Variants in ALOX12B observed in about 807,000 individuals in gnomAD.
ALOX12B encodes arachidonate 12-lipoxygenase, 12R-type.
In ALOX12B, 47 loss-of-function variants were observed where a neutral mutation model predicts 78.9. The ratio of observed to expected loss-of-function variants is 0.60; its 90% confidence interval spans 0.47 to 0.76. The LOEUF is 0.76. Ranked by LOEUF, ALOX12B falls within the 30% of genes least tolerant of loss-of-function variation. The pLI is 0.00. For missense variants in ALOX12B, 805 were observed against 922.6 expected, an observed-to-expected ratio of 0.87 and a Z score of 1.65; for synonymous variants, 370 against 374.5, an observed-to-expected ratio of 0.99 and a Z score of 0.14.
rs1029914907 is a variant in ALOX12B, at chr17:8,080,027, C to G, written c.755-86G>C. Reference sequence around the variant, plus strand: ...ATGGGACAGAAGAAGACTATGGGCACCGAGAGGAGTCGGGGAGGAAAACGA... The same window carrying G: ...ATGGGACAGAAGAAGACTATGGGCAGCGAGAGGAGTCGGGGAGGAAAACGA... On this transcript the variant is annotated intron_variant, in intron 6 of 14. Transcript: ENST00000647874. The surrounding 1 kb of genome is among the most constrained non-coding windows in gnomAD (Gnocchi z 4.8). 6.4e-7 allele frequency: 1 copy of G among 1,554,106 alleles called. No homozygotes were observed. Among genetic ancestry groups the G allele is most frequent in the Non-Finnish European group, 8.8e-7 (1 of 1,142,616 alleles).
intron 2 of ALOX12B, among the ~76,000 whole-genome samples, chr17:8,084,080 C>T (rs1219032443): frequency 2.0e-5 from 3 of 152,138 alleles, no homozygotes; most frequent in Non-Finnish European, 4.4e-5. Flanking sequence ...ATCACTTGAA[C>T]CTGGAAGGTG....
At position 8,080,130 on chromosome 17, in the gene ALOX12B, G is replaced by T; in HGVS notation, c.754+105C>A. ...AGAAGCCGCCAGAGGGCGCGCGCGCGCCTCGCTGCCTCTCCCGTCCCACTG... is the reference window on the plus strand; with the variant it reads ...AGAAGCCGCCAGAGGGCGCGCGCGCTCCTCGCTGCCTCTCCCGTCCCACTG... On this transcript the variant is annotated intron_variant, in intron 6 of 14. Transcript: ENST00000647874. This position sits in a 1 kb window ranked among gnomAD's most constrained non-coding sequence, Gnocchi z 4.8. 1 of 1,467,044 alleles carries T rather than the reference G, an allele frequency of 6.8e-7. No individual in the cohort carries two copies. The highest frequency in any genetic ancestry group is 9.5e-7 in the Non-Finnish European group (1 of 1,047,842). 90.9% of individuals were successfully genotyped at this position (1,467,044 alleles called of 1,614,324 possible).
chr17:8,078,113 CATTT>C (rs1977125131), intron 8 of ALOX12B, among the ~76,000 whole-genome samples: 1 of 143,842 alleles, frequency 7.0e-6, no homozygotes, highest in Non-Finnish European at 1.5e-5. Flanking sequence ...TATTTTATTT[CATTT>C]TATTTATTTA....
intron 12 of ALOX12B, among the ~76,000 whole-genome samples, chr17:8,074,924 T>G (rs1977050318): frequency 6.6e-6 from 1 of 152,228 alleles, no homozygotes; most frequent in South Asian, 2.1e-4. Context: ...CTGCAGATCT[T>G]AGCTAGATGT....
At chr17:8,081,831 C>T (rs1056156086) in intron 2 of ALOX12B, among the ~76,000 whole-genome samples, 1 of 152,060 alleles carries the variant, frequency 6.6e-6, no homozygotes, top group African/African-American at 2.4e-5. Context: ...TTAGTAGACA[C>T]GTGGTTTCGC....
At chr17:8,073,465 T>C in intron 13 of ALOX12B, 147 bp from the exon 14 acceptor site, 1 of 835,746 alleles carries the variant, frequency 1.2e-6, no homozygotes, top group Non-Finnish European at 1.8e-6. Flanking sequence ...AGACTGGGGG[T>C]GGGGCTGGGT....
chr17:8,080,461 T>G lies in ALOX12B; in HGVS notation c.651-123A>C. 1 of 1,397,254 alleles carries G rather than the reference T, an allele frequency of 7.2e-7. No homozygotes were observed. The highest frequency in any genetic ancestry group is 1.0e-6 in the Non-Finnish European group (1 of 988,396). 86.6% of individuals were successfully genotyped at this position (1,397,254 alleles called of 1,614,324 possible). A position where few individuals can be genotyped will look rare whatever the true frequency, so the allele number is the denominator to read the frequency against. ...CTCAGGGTCTGTGCGTCGCAAAGTC[T>G]CTGGGTCCCATGTCTCAAGATCTTT... On this transcript the variant is annotated intron_variant, in intron 5 of 14. Transcript: ENST00000647874. This position sits in a 1 kb window ranked among gnomAD's most constrained non-coding sequence, Gnocchi z 4.8.
At chr17:8,075,022 C>T (rs57983433) in intron 12 of ALOX12B, among the ~76,000 whole-genome samples, 21,272 of 152,216 alleles carry the variant, frequency 0.14, 1,584 homozygotes, top group Non-Finnish European at 0.17. Context: ...GTGGGTTAGG[C>T]GCCTTCCCTG....
chr17:8,086,263 C>T (rs1343857291), intron 1 of ALOX12B, 43 bp from the exon 2 acceptor site: 3 of 1,600,024 alleles, frequency 1.9e-6, no homozygotes, highest in African/African-American at 2.7e-5. Flanking sequence ...GGACTTCACC[C>T]CGGCTCCCAG....
At chr17:8,074,802 C>T (rs75204993) in intron 12 of ALOX12B, among the ~76,000 whole-genome samples, 3,681 of 152,326 alleles carry the variant, frequency 0.024, 80 homozygotes, top group Non-Finnish European at 0.037. Context: ...TTACAGTAAG[C>T]AGCTCCTGGA....
chr17:8,081,244 G>A, intron 2 of ALOX12B, 57 bp from the exon 3 acceptor site: 1 of 1,564,782 alleles, frequency 6.4e-7, no homozygotes, highest in Non-Finnish European at 8.8e-7. Flanking sequence ...GCCCACTTCA[G>A]GAAGCAGGAG....
chr17:8,082,348 A>T (rs1027058161), intron 2 of ALOX12B, among the ~76,000 whole-genome samples: 1 of 152,214 alleles, frequency 6.6e-6, no homozygotes, highest in African/African-American at 2.4e-5. Context: ...AATATGTGAC[A>T]GTAAGCTGTG....
chr17:8,079,671 G>T lies in ALOX12B; in HGVS notation c.927+98C>A. 1 of 1,541,206 alleles carries T rather than the reference G, an allele frequency of 6.5e-7. No homozygotes were observed. The highest frequency in any genetic ancestry group is 8.8e-7 in the Non-Finnish European group (1 of 1,141,498). On this transcript the variant is annotated intron_variant, in intron 7 of 14. Coordinates refer to ENST00000647874, the MANE Select transcript of ALOX12B (RefSeq NM_001139.3). This position sits in a 1 kb window ranked among gnomAD's most constrained non-coding sequence, Gnocchi z 6.4. ...GGACAGGGACGCGGGGTGCGGGCTT[G>T]CCTGGGACTGGCGCGGGCGCCGGAG...
At chr17:8,074,353 T>C (rs1478079276) in intron 12 of ALOX12B, among the ~76,000 whole-genome samples, 2 of 152,102 alleles carry the variant, frequency 1.3e-5, no homozygotes, top group Non-Finnish European at 2.9e-5. Flanking sequence ...AGACCCATCA[T>C]CTTCCTCCCT....
In ALOX12B at chr17:8,075,723, A is replaced by G. The variant is rs1276035304; in HGVS notation, c.1533-7T>C. ...GATGATCTCCGTCACATACCTGACC[A>G]GGGGACAGGGCCTCAGTTTGGATCC... On this transcript the variant is annotated splice_polypyrimidine_tract_variant and splice_region_variant and intron_variant, in intron 11 of 14. Transcript: ENST00000647874. 2 of 1,614,152 alleles carry G rather than the reference A, an allele frequency of 1.2e-6. No homozygotes were observed. Among genetic ancestry groups the G allele is most frequent in the Admixed American group, 3.3e-5 (2 of 60,020 alleles).
In ALOX12B at chr17:8,079,375, C is replaced by G. The variant is rs555773689; in HGVS notation, c.1071+21G>C. The G allele has an allele frequency of 1.0e-5, 16 of 1,551,372 alleles. 1 individual carries two copies. In the South Asian group the frequency reaches 1.9e-4, roughly 18 times the overall value. On this transcript the variant is annotated intron_variant, in intron 8 of 14. Transcript: ENST00000647874. The surrounding 1 kb of genome is among the most constrained non-coding windows in gnomAD (Gnocchi z 6.4). ...CGCGCACACAGAGGCTCAGCGGCAG[C>G]GCCGCCTGCAGCCCAGGCACCTGGA...
rs1447768203 is a variant in ALOX12B at position 8,079,657 on chromosome 17, C to T, written c.927+112G>A. ...CAGGGGTGGGACGGGGACAGGGACGCGGGGTGCGGGCTTGCCTGGGACTGG... is the reference window on the plus strand; with the variant it reads ...CAGGGGTGGGACGGGGACAGGGACGTGGGGTGCGGGCTTGCCTGGGACTGG... On this transcript the variant is annotated intron_variant, in intron 7 of 14. Coordinates refer to ENST00000647874, the MANE Select transcript of ALOX12B (RefSeq NM_001139.3). The surrounding 1 kb of genome is among the most constrained non-coding windows in gnomAD (Gnocchi z 6.4). 1.4e-5 allele frequency: 21 copies of T among 1,532,826 alleles called. No homozygotes were observed. The highest frequency in any genetic ancestry group is 1.2e-4 in the South Asian group (10 of 82,510). 95.0% of individuals were successfully genotyped at this position (1,532,826 alleles called of 1,614,324 possible).
At chr17:8,086,294 C>A in intron 1 of ALOX12B, 74 bp from the exon 2 acceptor site, 1 of 1,454,492 alleles carries the variant, frequency 6.9e-7, no homozygotes. Context: ...CCTCTGGCCC[C>A]TCACCTAGGC....
In ALOX12B at chr17:8,080,582, T is replaced by TG; in HGVS notation, c.650+75dup. The stretch of plus-strand genomic sequence containing the variant: ...GCCATTCCAACCTCTGGGGCTGTCT[T>TG]GGAGGCCGCCAAGGTTGGGGGAGAG... On this transcript the variant is annotated intron_variant, in intron 5 of 14. Transcript: ENST00000647874. This position sits in a 1 kb window ranked among gnomAD's most constrained non-coding sequence, Gnocchi z 4.8. 1 of 1,607,898 alleles carries TG rather than the reference T, an allele frequency of 6.2e-7. No homozygotes were observed. Among genetic ancestry groups the TG allele is most frequent in the Non-Finnish European group, 8.5e-7 (1 of 1,176,146 alleles).
Sources: allele counts gnomAD v4.1 joint callset (sites outside exome capture counted in the v4.1 genomes callset), GRCh38; gene constraint gnomAD v4.1.1; non-coding constraint Gnocchi (gnomAD v3.1); transcripts MANE v1.5; gene names NCBI Gene and HGNC (gene_info 2026-07-23, HGNC 2026-07-21).